WTIP: variants seen among roughly 807,000 people sequenced by gnomAD.
WTIP encodes WT1 interacting protein.
WTIP carries 23 observed loss-of-function variants against 41.7 expected under a neutral mutation model. The ratio of observed to expected loss-of-function variants is 0.55; its 90% CI spans 0.40 to 0.78. The LOEUF is 0.78. Among genes scored for constraint, WTIP ranks in the 30% least tolerant of loss-of-function variants. The probability of loss-of-function intolerance (pLI) is 0.00; values close to 1 mark genes in which losing one functional copy is unlikely to be tolerated. For synonymous variants in WTIP, 314 were observed against 269.9 expected (o/e 1.16, Z -1.60); for missense variants, 619 against 610.5 (o/e 1.01, Z -0.15).
chr19:34,497,956 G>C (rs981834178), intron 7 of WTIP, among the ~76,000 whole-genome samples: 10 of 152,198 alleles, frequency 6.6e-5, no homozygotes, highest in African/African-American at 2.4e-4. Context: ...GCAGGCGGCT[G>C]GTGGTGGTGC....
At chr19:34,485,907 C>G (rs1428585716) in intron 1 of WTIP, among the ~76,000 whole-genome samples, 10 of 152,074 alleles carry the variant, frequency 6.6e-5, no homozygotes, top group Non-Finnish European at 1.5e-5. Flanking sequence ...CTTTTTTTCT[C>G]TCTGTCCAAC....
Position 34,497,409 on chromosome 19 carries a change from G to A in WTIP, c.1152+1638G>A, listed in dbSNP as rs114125170. ...TGCTCTCGTTGTTAAAGGTGGGAGGGGAAATCCAATTTCTCTTCCTCCGTT... is the reference window on the plus strand; with the variant it reads ...TGCTCTCGTTGTTAAAGGTGGGAGGAGAAATCCAATTTCTCTTCCTCCGTT... On this transcript the variant is annotated intron_variant, in intron 7 of 7. Coordinates refer to ENST00000590071, the MANE Select transcript of WTIP (RefSeq NM_001080436.2). 8.0e-3 allele frequency among the ~76,000 whole-genome samples: 1,219 copies of A among 152,232 alleles called. 16 individuals carry two copies. The highest frequency in any genetic ancestry group is 0.028 in the African/African-American group (1,151 of 41,530).
chr19:34,489,805 G>A (rs1475043459), intron 1 of WTIP, among the ~76,000 whole-genome samples: 2 of 152,168 alleles, frequency 1.3e-5, no homozygotes, highest in Non-Finnish European at 2.9e-5. Flanking sequence ...GTGATGGCAT[G>A]TGCCAGAAGT....
chr19:34,496,500 C>T (rs369591923), intron 7 of WTIP, among the ~76,000 whole-genome samples: 2 of 152,132 alleles, frequency 1.3e-5, no homozygotes, highest in Non-Finnish European at 2.9e-5. Context: ...CCCCATTCTA[C>T]CTGTCCTTTT....
Position 34,500,224 on chromosome 19 carries a change from A to T in WTIP, c.1248A>T (p.Gln416His). 6.2e-7 allele frequency: 1 copy of T among 1,607,522 alleles called. No individual in the cohort carries two copies. The change falls in exon 8 of 8, where the codon CAA (glutamine) becomes CAT (histidine). Residue 416 changes from glutamine (Q) to histidine (H), a missense_variant. By Grantham distance (24) the Gln-to-His change is conservative. Around this residue, in one of 3 missense-constraint regions of WTIP, gnomAD observed 92 missense variants for 82.4 expected, o/e 1.12. Transcript: ENST00000590071. ...LCRRCHLRRL[Q>H]PGPLPSPTVH... The stretch of plus-strand genomic sequence containing the variant: ...GTCGTTGCCACCTGCGGCGCCTCCA[A>T]CCTGGGCCTCTTCCCTCACCCACTG...
Position 34,500,109 on chromosome 19 carries a change from G to T in WTIP, c.1153-20G>T. ...CGCTTGTCTGCTGACTCTGGGGCTG[G>T]GGGCTGTGTTCTTCCCTAGGACTGC... On this transcript the variant is annotated intron_variant, in intron 7 of 7. Coordinates refer to ENST00000590071, the MANE Select transcript of WTIP (RefSeq NM_001080436.2). The T allele has an allele frequency of 1.3e-6, 2 of 1,597,888 alleles. No individual in the cohort carries two copies. Among genetic ancestry groups the T allele is most frequent in the Non-Finnish European group, 1.7e-6 (2 of 1,179,032 alleles).
At chr19:34,495,649 T>G in intron 6 of WTIP, 54 bp from the exon 7 acceptor site, 2 of 1,601,042 alleles carry the variant, frequency 1.2e-6, no homozygotes, top group Non-Finnish European at 8.5e-7. Context: ...ACTCACGCAG[T>G]TTGCCTCCAG....
At position 34,482,478 on chromosome 19, in the gene WTIP, C is replaced by T; in HGVS notation, c.504C>T (p.Pro168=). 1.4e-5 allele frequency: 17 copies of T among 1,250,842 alleles called. No individual in the cohort carries two copies. Among genetic ancestry groups the T allele is most frequent in the Non-Finnish European group, 1.6e-5 (16 of 1,001,490 alleles). The allele number at this position is 1,250,842 out of a possible 1,614,324, so 77.5% of individuals were successfully genotyped here. The part of the protein sequence containing the change: ...DFLPPGACPA[P]ARSPEPAGPA... ...TCCCGCCCGGCGCCTGCCCCGCGCC[C>T]GCTCGCTCCCCGGAGCCTGCGGGGC... Residue 168 remains proline, a synonymous_variant, in exon 1 of 8, where the codon CCC becomes CCT. Transcript: ENST00000590071.
rs574859536 is a variant in WTIP, at chr19:34,509,294, AGCCTCCCACATGGCTGGGGAG to A, written c.*9035_*9055del. On this transcript the variant is annotated 3_prime_UTR_variant, in exon 8 of 8. Coordinates refer to ENST00000590071, the MANE Select transcript of WTIP (RefSeq NM_001080436.2). ...AGTTCCACATGGCTGGGGAGGCCTC[AGCCTCCCACATGGCTGGGGAG>A]GCCTCCCACCAAAAGGCACTTTCAT... The A allele has an allele frequency of 1.4e-5, 2 of 140,696 alleles. No homozygotes were observed. The highest frequency in any genetic ancestry group is 5.9e-5 in the African/African-American group (2 of 33,764). The allele number at this position is 140,696 out of a possible 1,614,324, so 8.7% of individuals were successfully genotyped here.
rs934518608 is a variant in WTIP at position 34,481,814 on chromosome 19, G to C, written c.-161G>C. 146 of 197,702 alleles carry C rather than the reference G, an allele frequency of 7.4e-4. 1 individual carries two copies. Among genetic ancestry groups the C allele is most frequent in the Non-Finnish European group, 1.1e-3 (121 of 112,758 alleles). The allele number at this position is 197,702 out of a possible 1,614,324, so 12.2% of individuals were successfully genotyped here. A position where few individuals can be genotyped will look rare whatever the true frequency, so the allele number is the denominator to read the frequency against. ...GCGCCGCGTCCCCCGGCCCGCGCGT[G>C]GCCGCCGGAACGACCCCGGCCCGGC... On this transcript the variant is annotated 5_prime_UTR_variant, in exon 1 of 8. Coordinates refer to ENST00000590071, the MANE Select transcript of WTIP (RefSeq NM_001080436.2).
chr19:34,494,578 T>C lies in WTIP; in HGVS notation c.1032-8T>C. On this transcript the variant is annotated splice_region_variant and splice_polypyrimidine_tract_variant and intron_variant, in intron 5 of 7. Transcript: ENST00000590071. ...GCTGATCACTTCTGGTTTCCTTTAT[T>C]TCTCTAGGGTTTTTGCACCAAAATG... 1 of 1,613,444 alleles carries C rather than the reference T, an allele frequency of 6.2e-7. No homozygotes were observed. Among genetic ancestry groups the C allele is most frequent in the African/African-American group, 1.3e-5 (1 of 75,004 alleles).
intron 7 of WTIP, among the ~76,000 whole-genome samples, chr19:34,497,235 C>T (rs1165935337): frequency 2.0e-5 from 3 of 152,144 alleles, no homozygotes; most frequent in Admixed American, 2.0e-4. Context: ...AAGGAGACCA[C>T]GGGGCTCCCC....
intron 6 of WTIP, among the ~76,000 whole-genome samples, chr19:34,495,042 C>G (rs1293664189): frequency 2.0e-5 from 3 of 152,226 alleles, no homozygotes; most frequent in Non-Finnish European, 2.9e-5. Flanking sequence ...AGTGCTGGCT[C>G]TGTCCCAGGC....
intron 7 of WTIP, chr19:34,498,723 A>AC (rs1217583743): frequency 6.7e-6 from 1 of 150,324 alleles, no homozygotes; most frequent in Non-Finnish European, 1.5e-5. Context: ...ACACGGTGAA[A>AC]CCCCGTCTCT....
At chr19:34,483,301 G>A (rs1347074217) in intron 1 of WTIP, among the ~76,000 whole-genome samples, 1 of 151,226 alleles carries the variant, frequency 6.6e-6, no homozygotes, top group Admixed American at 6.6e-5. Flanking sequence ...TAGGATTACA[G>A]GCTTGAGCCA....
rs1256896142 is a variant in WTIP at position 34,506,346 on chromosome 19, C to T, written c.*6077C>T. On this transcript the variant is annotated 3_prime_UTR_variant, in exon 8 of 8. Transcript: ENST00000590071. Reference sequence around the variant, plus strand: ...TAAAGAATAAACAGAAAGAAATCGGCTCTTTCACTTCTTGCAAGTTGGTGA... The same window carrying T: ...TAAAGAATAAACAGAAAGAAATCGGTTCTTTCACTTCTTGCAAGTTGGTGA... The T allele has an allele frequency of 6.6e-6, 1 of 152,192 alleles. No individual in the cohort carries two copies. Among genetic ancestry groups the T allele is most frequent in the Non-Finnish European group, 1.5e-5 (1 of 68,042 alleles). The allele number at this position is 152,192 out of a possible 1,614,324, so 9.4% of individuals were successfully genotyped here. A position where few individuals can be genotyped will look rare whatever the true frequency, so the allele number is the denominator to read the frequency against.
chr19:34,490,227 A>C, intron 1 of WTIP, 149 bp from the exon 2 acceptor site: 2 of 666,366 alleles, frequency 3.0e-6, no homozygotes, highest in South Asian at 3.7e-5. Context: ...GATGGTGCCC[A>C]TGTTGGTCAT....
At position 34,502,421 on chromosome 19, in the gene WTIP, A is replaced by AT. The variant is rs35198618; in HGVS notation, c.*2172dup. 0.045 allele frequency: 5,373 copies of AT among 119,084 alleles called. 147 individuals are homozygous for AT. Among genetic ancestry groups the AT allele is most frequent in the Non-Finnish European group, 0.066 (3,618 of 55,120 alleles). 7.4% of individuals were successfully genotyped at this position (119,084 alleles called of 1,614,324 possible). A position where few individuals can be genotyped will look rare whatever the true frequency, so the allele number is the denominator to read the frequency against. Reference sequence around the variant, plus strand: ...CAGGTGTGCCCCATGACGCCCAGCTATTTTTTTTTTTTTTTTTTTTAAAGA... The same window carrying AT: ...CAGGTGTGCCCCATGACGCCCAGCTATTTTTTTTTTTTTTTTTTTTTAAAGA... On this transcript the variant is annotated 3_prime_UTR_variant, in exon 8 of 8. Coordinates refer to ENST00000590071, the MANE Select transcript of WTIP (RefSeq NM_001080436.2).
Position 34,482,017 on chromosome 19 carries a change from C to G in WTIP, c.43C>G (p.Leu15Val). ...GGGCGCGGACGAGGCGGCCCTACTC[C>G]TGGCCGGGCTGGCCCTGCGGGAGCT... ...RAGADEAALL[L>V]AGLALRELEP... Residue 15 changes from leucine (L) to valine (V), a missense_variant, in exon 1 of 8, where the codon CTG (leucine) becomes GTG (valine). Physicochemically the swap from Leu to Val is conservative, Grantham distance 32 (BLOSUM62 1). Transcript: ENST00000590071. 2.0e-6 allele frequency: 2 copies of G among 1,023,084 alleles called. No individual in the cohort carries two copies. The highest frequency in any genetic ancestry group is 2.3e-6 in the Non-Finnish European group (2 of 855,798). 63.4% of individuals were successfully genotyped at this position (1,023,084 alleles called of 1,614,324 possible).
Sources: allele counts gnomAD v4.1 joint callset (sites outside exome capture counted in the v4.1 genomes callset), GRCh38; gene constraint gnomAD v4.1.1; regional missense constraint gnomAD v4.1.1; transcripts MANE v1.5; gene names NCBI Gene and HGNC (gene_info 2026-07-23, HGNC 2026-07-21).